Variants in ANKRD31 observed in about 807,000 individuals in gnomAD.
ANKRD31 encodes the protein ankyrin repeat domain-containing protein 31.
ANKRD31 carries 147 observed loss-of-function variants against 186.0 expected under a neutral mutation model. That is an observed-to-expected ratio of 0.79 (90% confidence interval 0.69 to 0.91). The LOEUF (loss-of-function observed/expected upper bound fraction) is 0.91, where lower values mean the gene tolerates loss of function less well. Ranked by LOEUF, ANKRD31 falls within the 40% of genes least tolerant of loss-of-function variation. ANKRD31 has a pLI of 0.00. For missense variants in ANKRD31, 1,986 were observed against 2,148.8 expected, an observed-to-expected ratio of 0.92 and a Z score of 1.50; for synonymous variants, 673 against 736.4, an observed-to-expected ratio of 0.91 and a Z score of 1.39.
At chr5:75,158,616 A>G (rs1752358636) in intron 11 of ANKRD31, among the ~76,000 whole-genome samples, 1 of 152,182 alleles carries the variant, frequency 6.6e-6, no homozygotes, top group African/African-American at 2.4e-5. Context: ...ATCTCTACAA[A>G]AAATACAAGT....
Position 75,232,812 on chromosome 5 carries a change from A to G in ANKRD31, c.105-2177T>C, listed in dbSNP as rs1758028466. Among the ~76,000 whole-genome samples, 3 of 152,166 alleles carry G rather than the reference A, an allele frequency of 2.0e-5. No individual in the cohort carries two copies. The South Asian group carries it at 6.2e-4, about 32-fold the overall frequency. ...AGCTAAAGGCAACTTGAAAAACAGC[A>G]GATGCTTCCCTTTTCCTTCTTGAAA... On this transcript the variant is annotated intron_variant, in intron 1 of 25. Transcript: ENST00000506364.
intron 7 of ANKRD31, among the ~76,000 whole-genome samples, chr5:75,194,114 G>C (rs969236732): frequency 6.6e-6 from 1 of 152,106 alleles, no homozygotes; most frequent in African/African-American, 2.4e-5. Context: ...TAACTTCCAT[G>C]AACATATGTA....
chr5:75,163,710 C>T (rs577230519), intron 11 of ANKRD31, among the ~76,000 whole-genome samples: 1 of 152,254 alleles, frequency 6.6e-6, no homozygotes, highest in South Asian at 2.1e-4. Flanking sequence ...GTAAGAAAGT[C>T]AGCTGATTCT....
intron 22 of ANKRD31, among the ~76,000 whole-genome samples, chr5:75,102,548 T>C (rs1304132173): frequency 6.6e-6 from 1 of 152,228 alleles, no homozygotes; most frequent in Non-Finnish European, 1.5e-5. Context: ...TACAGAGGCA[T>C]GAAGGCCTCC....
At chr5:75,178,120 A>T (rs1753967928) in intron 10 of ANKRD31, among the ~76,000 whole-genome samples, 1 of 152,172 alleles carries the variant, frequency 6.6e-6, no homozygotes, top group East Asian at 1.9e-4. Context: ...ACCAACAAAG[A>T]TCAAAAGAGA....
In ANKRD31 at chr5:75,193,398, T is replaced by C. The variant is rs1483071476; in HGVS notation, c.1211A>G (p.His404Arg). Residue 404 changes from histidine (H) to arginine (R), a missense_variant, in exon 8 of 26, where the codon CAC becomes CGC. By Grantham distance (29) the His-to-Arg change is conservative. Transcript: ENST00000506364. ...KVSRDAKYSDHMYKMPEKILP... is the reference protein window; with the variant it reads ...KVSRDAKYSDRMYKMPEKILP... ...AATCTTTTCTGGCATCTTATACATG[T>C]GATCTGAGTACTTTGCATCTCTGCT... The C allele has an allele frequency of 9.1e-6, 14 of 1,537,082 alleles. No homozygotes were observed. Among genetic ancestry groups the C allele is most frequent in the Non-Finnish European group, 1.0e-5 (12 of 1,146,764 alleles).
At chr5:75,172,337 C>A (rs1753392109) in intron 10 of ANKRD31, among the ~76,000 whole-genome samples, 1 of 147,836 alleles carries the variant, frequency 6.8e-6, no homozygotes, top group South Asian at 2.2e-4. Context: ...ATGAAAAGTA[C>A]ATGAGAAAAG....
intron 21 of ANKRD31, among the ~76,000 whole-genome samples, chr5:75,105,710 T>C (rs190803497): frequency 1.8e-4 from 28 of 152,286 alleles, no homozygotes; most frequent in African/African-American, 6.3e-4. Context: ...CAAGATTGTT[T>C]TGTGAATAAT....
chr5:75,218,781 T>C (rs987417190), intron 3 of ANKRD31, among the ~76,000 whole-genome samples: 6 of 152,240 alleles, frequency 3.9e-5, no homozygotes, highest in African/African-American at 1.4e-4. Flanking sequence ...ATCTCTGGAA[T>C]GCTTCAACGT....
intron 22 of ANKRD31, among the ~76,000 whole-genome samples, chr5:75,096,898 A>G (rs1314621628): frequency 6.9e-6 from 1 of 145,378 alleles, no homozygotes; most frequent in East Asian, 2.0e-4. Flanking sequence ...CCTATGAGTG[A>G]GAACATGCAG....
Position 75,186,461 on chromosome 5 carries a change from T to C in ANKRD31, c.1564+2032A>G, listed in dbSNP as rs528192530. Among the ~76,000 whole-genome samples, 18 of 152,346 alleles carry C rather than the reference T, an allele frequency of 1.2e-4. No homozygotes were observed. In the South Asian group the frequency reaches 3.7e-3, roughly 32 times the overall value. On this transcript the variant is annotated intron_variant, in intron 10 of 25. Coordinates refer to ENST00000506364, the MANE Select transcript of ANKRD31 (RefSeq NM_001372053.1). ...ATGTTATCTATTTCTTGCTTTGTTATTGACTTAAACTTCAGGCTATCATTA... is the reference window on the plus strand; with the variant it reads ...ATGTTATCTATTTCTTGCTTTGTTACTGACTTAAACTTCAGGCTATCATTA...
chr5:75,079,761 C>T (rs1744939022), intron 25 of ANKRD31, among the ~76,000 whole-genome samples: 1 of 152,192 alleles, frequency 6.6e-6, no homozygotes, highest in Non-Finnish European at 1.5e-5. Context: ...CAAGCATGAG[C>T]AACTGCGCCC....
At chr5:75,168,174 T>G (rs1225513123) in intron 11 of ANKRD31, among the ~76,000 whole-genome samples, 2 of 152,210 alleles carry the variant, frequency 1.3e-5, no homozygotes, top group African/African-American at 4.8e-5. Context: ...ATATGCCCTG[T>G]CTATTCCCAT....
intron 17 of ANKRD31, among the ~76,000 whole-genome samples, chr5:75,120,412 A>G (rs565268680): frequency 6.6e-6 from 1 of 152,322 alleles, no homozygotes; most frequent in South Asian, 2.1e-4. Flanking sequence ...GTGAAAAACA[A>G]TGATCCCACT....
intron 11 of ANKRD31, among the ~76,000 whole-genome samples, chr5:75,159,668 A>AT (rs1490821618): frequency 1.1e-3 from 9 of 7,984 alleles, no homozygotes; most frequent in African/African-American, 3.7e-3. Flanking sequence ...ACATTCACAG[A>AT]TAAAAAAAAA....
intron 22 of ANKRD31, 66 bp from the exon 23 acceptor site, chr5:75,091,467 G>T: frequency 6.9e-7 from 1 of 1,456,082 alleles, no homozygotes; most frequent in Non-Finnish European, 9.1e-7. Flanking sequence ...TTTTGCTTCT[G>T]GCCATGACAA....
intron 17 of ANKRD31, among the ~76,000 whole-genome samples, chr5:75,129,410 C>A (rs569902514): frequency 3.6e-4 from 55 of 152,224 alleles, no homozygotes; most frequent in Non-Finnish European, 7.1e-4. Flanking sequence ...AGCTCACCCA[C>A]TCTGGTATAT....
intron 15 of ANKRD31, among the ~76,000 whole-genome samples, chr5:75,139,522 A>C (rs1368013717): frequency 6.6e-6 from 1 of 152,204 alleles, no homozygotes; most frequent in East Asian, 1.9e-4. Flanking sequence ...AACTAAAAGT[A>C]ATGAACTGAT....
intron 3 of ANKRD31, among the ~76,000 whole-genome samples, chr5:75,211,955 T>C (rs1756677526): frequency 1.3e-5 from 2 of 152,212 alleles, no homozygotes; most frequent in Admixed American, 1.3e-4. Context: ...GTGGTGTCCT[T>C]TGACGCTCAA....
Sources: gnomAD v4.1 joint callset for allele counts (sites outside exome capture counted in the v4.1 genomes callset) on GRCh38, gnomAD v4.1.1 for gene constraint, MANE v1.5 for transcripts, NCBI Gene and HGNC (gene_info 2026-07-23, HGNC 2026-07-21) for gene names.